Variants in FAM217B observed in about 807,000 individuals in gnomAD.
The protein encoded by FAM217B is family with sequence similarity 217 member B.
For synonymous variants in FAM217B, 163 were observed against 173.0 expected (o/e 0.94, Z 0.45); for missense variants, 463 against 456.9 (o/e 1.01, Z -0.12).
chr20:59,940,646 T>G (rs2060898273), intron 1 of FAM217B, 111 bp downstream of exon 1: 2 of 152,386 alleles, frequency 1.3e-5, no homozygotes, highest in Non-Finnish European at 2.9e-5. Context: ...CTTAGATTTC[T>G]GGGTTGTGGA....
At position 59,945,167 on chromosome 20, in the gene FAM217B, T is replaced by C. The variant is rs1183796293; in HGVS notation, c.*72T>C. On this transcript the variant is annotated 3_prime_UTR_variant, in exon 4 of 4. Transcript: ENST00000360816. ...AGAGCGCTTCCAAAAGTCAAAATAC[T>C]GTGAATTTTAAGGAATTTTACAAAT... 1.5e-6 allele frequency: 2 copies of C among 1,294,698 alleles called. No homozygotes were observed. The highest frequency in any genetic ancestry group is 3.0e-5 in the African/African-American group (2 of 66,536). 80.2% of individuals were successfully genotyped at this position (1,294,698 alleles called of 1,614,324 possible).
In FAM217B at chr20:59,948,598, T is replaced by G. The variant is rs2060951591; in HGVS notation, c.*3503T>G. On this transcript the variant is annotated 3_prime_UTR_variant, in exon 4 of 4. Transcript: ENST00000360816. ...ATTGTATGTTTAGTTTTGTATGTGATAAACAGAATTGATGTAAGTTTTTGT... is the reference window on the plus strand; with the variant it reads ...ATTGTATGTTTAGTTTTGTATGTGAGAAACAGAATTGATGTAAGTTTTTGT... 6.0e-6 allele frequency: 1 copy of G among 167,048 alleles called. No homozygotes were observed. The highest frequency in any genetic ancestry group is 2.4e-5 in the African/African-American group (1 of 41,452). The allele number at this position is 167,048 out of a possible 1,614,324, so 10.3% of individuals were successfully genotyped here.
At chr20:59,938,786 C>A (rs1345987245), upstream of FAM217B, 3 of 363,768 alleles carry the variant, frequency 8.2e-6, no homozygotes, top group Non-Finnish European at 1.5e-5. Context: ...TACCCCACCA[C>A]CCTGCCCCAA....
chr20:59,935,643 G>GTT (rs1397339584), upstream of FAM217B, among the ~76,000 whole-genome samples: 1 of 152,168 alleles, frequency 6.6e-6, no homozygotes, highest in Non-Finnish European at 1.5e-5. Flanking sequence ...GCATGTGCCT[G>GTT]TGCACCTAGC....
intron 1 of FAM217B, among the ~76,000 whole-genome samples, chr20:59,935,229 C>T (rs918494356): frequency 6.6e-6 from 1 of 152,132 alleles, no homozygotes; most frequent in African/African-American, 2.4e-5. Flanking sequence ...GAGTTGCGAA[C>T]GCACAGAAAT....
upstream of FAM217B, chr20:59,939,447 G>A (rs946038649): frequency 6.2e-7 from 1 of 1,611,730 alleles, no homozygotes; most frequent in Non-Finnish European, 8.5e-7. Context: ...GGCCTCGACG[G>A]GCGGCGGGAA....
upstream of FAM217B, chr20:59,939,370 C>T (rs1321734941): frequency 6.2e-7 from 1 of 1,610,736 alleles, no homozygotes; most frequent in African/African-American, 1.3e-5. Context: ...CCGCTGATGC[C>T]AAGGTCCGAG....
intron 3 of FAM217B, among the ~76,000 whole-genome samples, chr20:59,943,443 C>T (rs1294564100): frequency 6.6e-6 from 1 of 152,190 alleles, no homozygotes; most frequent in Non-Finnish European, 1.5e-5. Context: ...AGCTCAGAAT[C>T]GCCACCAATC....
At chr20:59,939,435 G>T, upstream of FAM217B, 1 of 1,611,446 alleles carries the variant, frequency 6.2e-7, no homozygotes, top group South Asian at 1.1e-5. Context: ...GCCAAAGTCG[G>T]CGGCCTCGAC....
At chr20:59,939,614 G>A (rs369153560), upstream of FAM217B, 49 of 1,588,954 alleles carry the variant, frequency 3.1e-5, no homozygotes, top group East Asian at 2.3e-4. Context: ...CCAGGGCGTC[G>A]GCGAAGCGCA....
rs1229363197 is a variant in FAM217B at position 59,944,471 on chromosome 20, A to G, written c.528A>G (p.Gly176=). ...CGGAAGCCGTGCCCCGAGTGGGAGG[A>G]CTTCTTGGGAAGTATATCGATAGAC... ...NKTEAVPRVG[G]LLGKYIDRLI... is the part of the protein sequence containing the mutation. The change falls in exon 4 of 4, where the codon GGA becomes GGG. Residue 176 remains glycine, a synonymous_variant. Coordinates refer to ENST00000360816, the MANE Select transcript of FAM217B (RefSeq NM_022106.3). 7 of 1,613,390 alleles carry G rather than the reference A, an allele frequency of 4.3e-6. No individual in the cohort carries two copies. In the African/African-American group the frequency reaches 9.4e-5, roughly 22 times the overall value.
upstream of FAM217B, chr20:59,938,134 G>A (rs1321941080): frequency 1.3e-5 from 2 of 152,146 alleles, no homozygotes; most frequent in Non-Finnish European, 1.5e-5. Context: ...GGGCACTGTT[G>A]CCTGAAATTC....
chr20:59,945,430 C>A lies in FAM217B; in HGVS notation c.*335C>A. 1 of 224,582 alleles carries A rather than the reference C, an allele frequency of 4.5e-6. No individual in the cohort carries two copies. Among genetic ancestry groups the A allele is most frequent in the Non-Finnish European group, 9.7e-6 (1 of 103,586 alleles). The allele number at this position is 224,582 out of a possible 1,614,324, so 13.9% of individuals were successfully genotyped here. On this transcript the variant is annotated 3_prime_UTR_variant, in exon 4 of 4. Transcript: ENST00000360816. ...GCTACAGTAGCCGGTCTGTGTAGAG[C>A]AGCTAGTGGTGTTACCTCCCCATTT...
At chr20:59,939,357 G>A, upstream of FAM217B, 6 of 1,610,730 alleles carry the variant, frequency 3.7e-6, no homozygotes, top group South Asian at 1.1e-5. Context: ...CACGCGCACC[G>A]TACCGCTGAT....
chr20:59,937,993 TCTGG>T (rs1370784765), upstream of FAM217B: 1 of 152,258 alleles, frequency 6.6e-6, no homozygotes, highest in African/African-American at 2.4e-5. Flanking sequence ...CCTCCAGTGC[TCTGG>T]CTATTGCTGA....
In FAM217B at chr20:59,940,471, C is replaced by T. The variant is rs1336567563; in HGVS notation, c.-267C>T. The T allele has an allele frequency of 6.6e-6, 1 of 152,262 alleles. No homozygotes were observed. The highest frequency in any genetic ancestry group is 1.5e-5 in the Non-Finnish European group (1 of 68,098). 9.4% of individuals were successfully genotyped at this position (152,262 alleles called of 1,614,324 possible). A position where few individuals can be genotyped will look rare whatever the true frequency, so the allele number is the denominator to read the frequency against. On this transcript the variant is annotated 5_prime_UTR_variant, in exon 1 of 4. Coordinates refer to ENST00000360816, the MANE Select transcript of FAM217B (RefSeq NM_022106.3). ...AGCGCGCCGCAGCCGGGCGTCCCCG[C>T]GCGGGCGCCGGAGAGGAAGGAAGGC... is the stretch of plus-strand genomic sequence containing the variant.
upstream of FAM217B, chr20:59,939,919 G>A (rs754057533): frequency 4.0e-6 from 5 of 1,259,402 alleles, no homozygotes; most frequent in Non-Finnish European, 4.0e-6. Context: ...GCGGAGCTCG[G>A]GCCTCTGGAC....
At chr20:59,936,249 GTT>G (rs2060861381), upstream of FAM217B, among the ~76,000 whole-genome samples, 1 of 152,168 alleles carries the variant, frequency 6.6e-6, no homozygotes, top group African/African-American at 2.4e-5. Context: ...CAGTTACCCT[GTT>G]GAGTGAAATG....
upstream of FAM217B, chr20:59,940,362 G>A (rs1368302814): frequency 1.3e-5 from 2 of 154,066 alleles, no homozygotes; most frequent in Non-Finnish European, 1.5e-5. Flanking sequence ...TCGTGACGCC[G>A]CCTGCAGGCG....
Sources: gnomAD v4.1 joint callset for allele counts (sites outside exome capture counted in the v4.1 genomes callset) on GRCh38, gnomAD v4.1.1 for gene constraint, MANE v1.5 for transcripts, NCBI Gene and HGNC (gene_info 2026-07-23, HGNC 2026-07-21) for gene names.